Variants in SLIT3 observed in about 807,000 individuals in gnomAD.
SLIT3 encodes the protein slit homolog 3 protein.
In SLIT3, 68 loss-of-function variants were observed where a neutral mutation model predicts 184.0. The observed-to-expected ratio is 0.37, with a 90% CI of 0.30 to 0.45. The LOEUF (loss-of-function observed/expected upper bound fraction) is 0.45. SLIT3 is among the 20% of genes least tolerant of loss of function. SLIT3 has a pLI of 1.00. For synonymous variants in SLIT3, 831 were observed against 828.6 expected (o/e 1.00, Z -0.05); for missense variants, 1,707 against 2,026.0 (o/e 0.84, Z 3.02).
intron 4 of SLIT3, among the ~76,000 whole-genome samples, chr5:168,968,146 G>A (rs1467240787): frequency 6.6e-6 from 1 of 152,028 alleles, no homozygotes; most frequent in Non-Finnish European, 1.5e-5. Flanking sequence ...CTTCTCTCCA[G>A]TCATCTCCCC....
chr5:168,893,476 AAGGGGAAGGC>A (rs978149345), intron 4 of SLIT3, among the ~76,000 whole-genome samples: 9 of 152,128 alleles, frequency 5.9e-5, no homozygotes, highest in Admixed American at 1.3e-4. Context: ...CTGGCTGGAC[AAGGGGAAGGC>A]AGGGGAAGGC....
intron 4 of SLIT3, among the ~76,000 whole-genome samples, chr5:169,179,870 T>C (rs1763102303): frequency 6.6e-6 from 1 of 152,132 alleles, no homozygotes; most frequent in South Asian, 2.1e-4. Flanking sequence ...AGTGTGTAGC[T>C]AGTACCCACC....
chr5:168,933,871 C>T (rs1036811989), intron 4 of SLIT3, among the ~76,000 whole-genome samples: 1 of 152,078 alleles, frequency 6.6e-6, no homozygotes, highest in Non-Finnish European at 1.5e-5. Context: ...AGAGGAGGAG[C>T]CTGGCTAGGA....
chr5:168,826,784 CAG>C (rs1319256582), intron 6 of SLIT3, among the ~76,000 whole-genome samples: 2 of 152,166 alleles, frequency 1.3e-5, no homozygotes, highest in Non-Finnish European at 2.9e-5. Context: ...TTTTCTGAGA[CAG>C]AGTCTCGCTG....
At chr5:168,746,949 T>C (rs1331782585) in intron 20 of SLIT3, among the ~76,000 whole-genome samples, 4 of 113,846 alleles carry the variant, frequency 3.5e-5, no homozygotes, top group African/African-American at 1.0e-4. Flanking sequence ...GTGAGTGTGG[T>C]GGTGTGGGTG....
At chr5:168,754,593 A>C (rs138413425) in intron 16 of SLIT3, among the ~76,000 whole-genome samples, 1 of 152,210 alleles carries the variant, frequency 6.6e-6, no homozygotes, top group Non-Finnish European at 1.5e-5. Context: ...GTTAACAACA[A>C]TATGTATTTC....
intron 12 of SLIT3, among the ~76,000 whole-genome samples, chr5:168,776,117 C>T (rs578063779): frequency 6.6e-4 from 100 of 152,294 alleles, no homozygotes; most frequent in Non-Finnish European, 1.1e-3. Flanking sequence ...AGATGGATGC[C>T]GGGCTGGCCT....
At chr5:168,990,256 G>A (rs1755275057) in intron 4 of SLIT3, among the ~76,000 whole-genome samples, 1 of 152,156 alleles carries the variant, frequency 6.6e-6, no homozygotes, top group African/African-American at 2.4e-5. Context: ...TCTCTTCCCT[G>A]CATCCCCAGT....
intron 3 of SLIT3, among the ~76,000 whole-genome samples, chr5:169,200,115 A>G (rs1763865431): frequency 6.6e-6 from 1 of 152,144 alleles, no homozygotes; most frequent in Non-Finnish European, 1.5e-5. Flanking sequence ...CCTCACTGAC[A>G]AGCAAGGTGA....
chr5:169,136,424 A>G (rs1434034741), intron 4 of SLIT3, among the ~76,000 whole-genome samples: 1 of 152,184 alleles, frequency 6.6e-6, no homozygotes, highest in East Asian at 1.9e-4. Context: ...GCCACTAAGC[A>G]CAGCAGCTCC....
intron 3 of SLIT3, among the ~76,000 whole-genome samples, chr5:169,239,498 A>G (rs959762515): frequency 6.6e-6 from 1 of 152,114 alleles, no homozygotes; most frequent in Non-Finnish European, 1.5e-5. Context: ...TCTAATTGAT[A>G]TAAGACAGAT....
intron 4 of SLIT3, among the ~76,000 whole-genome samples, chr5:169,010,733 C>T (rs1031271450): frequency 6.6e-6 from 1 of 152,002 alleles, no homozygotes; most frequent in Non-Finnish European, 1.5e-5. Context: ...GAAACCCCGT[C>T]ACTACCAAAA....
At chr5:168,905,070 G>A (rs1282036795) in intron 4 of SLIT3, among the ~76,000 whole-genome samples, 1 of 152,138 alleles carries the variant, frequency 6.6e-6, no homozygotes, top group Non-Finnish European at 1.5e-5. Flanking sequence ...CCAGCTACTT[G>A]GGAGGCTGAG....
In SLIT3 at chr5:168,723,151, C is replaced by T. The variant is rs1762997146; in HGVS notation, c.2340-147G>A. On this transcript the variant is annotated intron_variant, in intron 21 of 35. Transcript: ENST00000519560. ...CCTATTCATTAATTCACTCACTCATCTATCCATCCCGCTGCTGGCCTGTTT... is the reference window on the plus strand; with the variant it reads ...CCTATTCATTAATTCACTCACTCATTTATCCATCCCGCTGCTGGCCTGTTT... 6 of 657,058 alleles carry T rather than the reference C, an allele frequency of 9.1e-6. No individual in the cohort carries two copies. In the South Asian group the frequency reaches 1.0e-4, roughly 11 times the overall value. 40.7% of individuals were successfully genotyped at this position (657,058 alleles called of 1,614,324 possible).
chr5:169,036,085 G>GTT (rs1757235637), intron 4 of SLIT3: 1 of 152,166 alleles, frequency 6.6e-6, no homozygotes, highest in Non-Finnish European at 1.5e-5. Flanking sequence ...TTTCAAATAT[G>GTT]TTTTTTCTCA....
At chr5:169,007,849 A>C (rs1208544878) in intron 4 of SLIT3, among the ~76,000 whole-genome samples, 1 of 152,222 alleles carries the variant, frequency 6.6e-6, no homozygotes, top group Non-Finnish European at 1.5e-5. Flanking sequence ...AGGGCCAAAA[A>C]AGTTATCGCT....
In SLIT3 at chr5:168,819,483, C is replaced by T. The variant is rs1009047900; in HGVS notation, c.630-2020G>A. On this transcript the variant is annotated intron_variant, in intron 7 of 35. Coordinates refer to ENST00000519560, the MANE Select transcript of SLIT3 (RefSeq NM_003062.4). ...GGGAGAAGCAGAACCTTTTAATGAG[C>T]GTTTGGCTTTTATTTGGAAAGGTGG... 3.3e-5 allele frequency among the ~76,000 whole-genome samples: 5 copies of T among 152,260 alleles called. No homozygotes were observed. The East Asian group carries it at 7.7e-4, about 24-fold the overall frequency.
Position 168,743,056 on chromosome 5 carries a change from C to T in SLIT3, c.2270+5246G>A, listed in dbSNP as rs1055827686. On this transcript the variant is annotated intron_variant, in intron 20 of 35. Transcript: ENST00000519560. ...CTAAGCCAGGAAAATGGCATGAACCCTGGAGGTTCACGCCATGTGCTAGTC... is the reference window on the plus strand; with the variant it reads ...CTAAGCCAGGAAAATGGCATGAACCTTGGAGGTTCACGCCATGTGCTAGTC... Among the ~76,000 whole-genome samples the T allele has an allele frequency of 2.6e-5, 4 of 152,168 alleles. No homozygotes were observed. In the South Asian group the frequency reaches 8.3e-4, roughly 32 times the overall value.
At chr5:168,804,107 G>T (rs1198601022) in intron 9 of SLIT3, among the ~76,000 whole-genome samples, 2 of 151,832 alleles carry the variant, frequency 1.3e-5, no homozygotes, top group Non-Finnish European at 2.9e-5. Flanking sequence ...AGGAGTTCAA[G>T]ACCAGCCTGG....
Sources: gnomAD v4.1 joint callset for allele counts (sites outside exome capture counted in the v4.1 genomes callset) on GRCh38, gnomAD v4.1.1 for gene constraint, MANE v1.5 for transcripts, NCBI Gene and HGNC (gene_info 2026-07-23, HGNC 2026-07-21) for gene names.